MDGA2: variants seen among roughly 807,000 people sequenced by gnomAD.
The protein encoded by MDGA2 is MAM domain containing glycosylphosphatidylinositol anchor 2.
In MDGA2, 40 loss-of-function variants were observed where a neutral mutation model predicts 117.8. The observed-to-expected ratio is 0.34, with a 90% CI of 0.26 to 0.44. The LOEUF (loss-of-function observed/expected upper bound fraction) is 0.44. Among genes scored for constraint, MDGA2 ranks in the 20% least tolerant of loss-of-function variants. The pLI is 1.00. For synonymous variants in MDGA2, 452 were observed against 439.0 expected, an observed-to-expected ratio of 1.03 and a Z score of -0.37; for missense variants, 1,123 against 1,250.6, an observed-to-expected ratio of 0.90 and a Z score of 1.54.
At position 47,537,289 on chromosome 14, in the gene MDGA2, C is replaced by T. The variant is rs189688086; in HGVS notation, c.280+137228G>A. 1.8e-3 allele frequency among the ~76,000 whole-genome samples: 219 copies of T among 123,542 alleles called. 1 individual carries two copies. Among genetic ancestry groups the T allele is most frequent in the African/African-American group, 6.6e-3 (202 of 30,592 alleles). The allele number at this position is 123,542 out of a possible 152,430, so 81.0% of individuals were successfully genotyped here. ...CATGGACACAGGAAGAGGAACATCACACACCAGGGCCTGTTGTCGGGTGGG... is the reference window on the plus strand; with the variant it reads ...CATGGACACAGGAAGAGGAACATCATACACCAGGGCCTGTTGTCGGGTGGG... On this transcript the variant is annotated intron_variant, in intron 1 of 16. Coordinates refer to ENST00000399232, the MANE Select transcript of MDGA2 (RefSeq NM_001113498.3).
intron 3 of MDGA2, among the ~76,000 whole-genome samples, chr14:47,173,269 C>A (rs1452898581): frequency 6.6e-6 from 1 of 152,034 alleles, no homozygotes; most frequent in Admixed American, 6.6e-5. Context: ...GCAAGGCAGG[C>A]CAACGTTCAG....
intron 1 of MDGA2, among the ~76,000 whole-genome samples, chr14:47,595,565 A>C (rs202058310): frequency 1.2e-4 from 14 of 112,026 alleles, no homozygotes; most frequent in African/African-American, 5.0e-4. Context: ...AACAAAAAAA[A>C]AAAAAACCCA....
intron 10 of MDGA2, among the ~76,000 whole-genome samples, chr14:46,910,274 T>C (rs1222964375): frequency 1.3e-5 from 2 of 152,154 alleles, no homozygotes; most frequent in African/African-American, 4.8e-5. Context: ...GCCACATATA[T>C]TTCTCTCAAA....
chr14:47,317,509 T>C (rs1212912196), intron 1 of MDGA2, among the ~76,000 whole-genome samples: 2 of 152,124 alleles, frequency 1.3e-5, no homozygotes, highest in Non-Finnish European at 2.9e-5. Context: ...GCTAAGGGCA[T>C]TTATACCTTT....
intron 1 of MDGA2, among the ~76,000 whole-genome samples, chr14:47,389,362 A>T (rs1264475131): frequency 6.6e-6 from 1 of 152,174 alleles, no homozygotes; most frequent in Non-Finnish European, 1.5e-5. Context: ...CCAAACTGAC[A>T]TATAATGACT....
chr14:47,295,291 T>A (rs1889026195), intron 2 of MDGA2, among the ~76,000 whole-genome samples: 1 of 152,334 alleles, frequency 6.6e-6, no homozygotes, highest in African/African-American at 2.4e-5. Flanking sequence ...TACCTATGTT[T>A]ATTATTAAAA....
chr14:47,570,502 T>C (rs1240760969), intron 1 of MDGA2, among the ~76,000 whole-genome samples: 1 of 152,186 alleles, frequency 6.6e-6, no homozygotes, highest in Admixed American at 6.5e-5. Context: ...TTAAATGATA[T>C]ATTACTTTGT....
At chr14:47,557,486 G>C (rs1895706406) in intron 1 of MDGA2, among the ~76,000 whole-genome samples, 1 of 152,130 alleles carries the variant, frequency 6.6e-6, no homozygotes, top group Admixed American at 6.6e-5. Flanking sequence ...TCAATTGTGA[G>C]AAAAGACCCT....
chr14:47,194,361 T>C (rs1449049984), intron 3 of MDGA2, among the ~76,000 whole-genome samples: 1 of 152,182 alleles, frequency 6.6e-6, no homozygotes, highest in Non-Finnish European at 1.5e-5. Flanking sequence ...CTGATGCATA[T>C]ATAGCATAGA....
chr14:47,216,103 A>G (rs950048014), intron 3 of MDGA2, among the ~76,000 whole-genome samples: 13 of 152,144 alleles, frequency 8.5e-5, no homozygotes, highest in Non-Finnish European at 1.6e-4. Context: ...TCTGCACAGC[A>G]AGAGATATGA....
Position 46,901,592 on chromosome 14 carries a change from A to T in MDGA2, c.2238+18420T>A, listed in dbSNP as rs539324620. Among the ~76,000 whole-genome samples the T allele has an allele frequency of 5.9e-5, 9 of 152,370 alleles. 1 individual carries two copies. Among genetic ancestry groups the T allele is most frequent in the African/African-American group, 1.9e-4 (8 of 41,600 alleles). ...GTACAACCACTATGTGCCAAACAGT[A>T]CCAGACATTGAGGATAATGCAGAAA... On this transcript the variant is annotated intron_variant, in intron 10 of 16. Coordinates refer to ENST00000399232, the MANE Select transcript of MDGA2 (RefSeq NM_001113498.3).
intron 7 of MDGA2, among the ~76,000 whole-genome samples, chr14:47,049,338 C>G (rs1456609073): frequency 1.3e-5 from 2 of 151,988 alleles, no homozygotes; most frequent in African/African-American, 4.8e-5. Flanking sequence ...ATACCAAAAT[C>G]TGTAGGTTTT....
chr14:46,863,049 G>T (rs1881575830), intron 14 of MDGA2, among the ~76,000 whole-genome samples: 2 of 151,920 alleles, frequency 1.3e-5, no homozygotes, highest in South Asian at 4.2e-4. Context: ...GATCCCTTAC[G>T]CTGACCTTTT....
intron 1 of MDGA2, among the ~76,000 whole-genome samples, chr14:47,503,659 C>T (rs1894449812): frequency 6.6e-6 from 1 of 152,140 alleles, no homozygotes; most frequent in Non-Finnish European, 1.5e-5. Flanking sequence ...CCGCCTCGGC[C>T]TCCCAAAGGG....
intron 1 of MDGA2, among the ~76,000 whole-genome samples, chr14:47,540,720 C>T (rs1040312412): frequency 1.3e-5 from 2 of 151,366 alleles, no homozygotes; most frequent in Non-Finnish European, 2.9e-5. Context: ...ACCCCCATGC[C>T]TGGCTAATTA....
intron 1 of MDGA2, among the ~76,000 whole-genome samples, chr14:47,394,504 C>G (rs1891965078): frequency 6.6e-6 from 1 of 152,106 alleles, no homozygotes; most frequent in Admixed American, 6.6e-5. Context: ...TTGATTTTAT[C>G]TGCAAAAAAT....
intron 13 of MDGA2, chr14:46,873,828 C>CA (rs902002503): frequency 1.8e-6 from 1 of 566,952 alleles, no homozygotes; most frequent in Admixed American, 3.9e-5. Context: ...CTTGAATTAT[C>CA]AAAAAATTCC....
At chr14:46,992,313 A>T (rs572359139) in intron 8 of MDGA2, among the ~76,000 whole-genome samples, 3 of 152,322 alleles carry the variant, frequency 2.0e-5, no homozygotes, top group African/African-American at 7.2e-5. Context: ...CTATATTTTT[A>T]TTCAAAAGCA....
intron 6 of MDGA2, among the ~76,000 whole-genome samples, 171 bp downstream of exon 6, chr14:47,096,683 A>T (rs1879987774): frequency 6.6e-6 from 1 of 152,012 alleles, no homozygotes; most frequent in African/African-American, 2.4e-5. Flanking sequence ...TTAATCTTTA[A>T]CCTGTTTAAG....
Sources: gnomAD v4.1 joint callset for allele counts (sites outside exome capture counted in the v4.1 genomes callset) on GRCh38, gnomAD v4.1.1 for gene constraint, MANE v1.5 for transcripts, NCBI Gene and HGNC (gene_info 2026-07-23, HGNC 2026-07-21) for gene names.